TPTE: variants seen among roughly 807,000 people sequenced by gnomAD.
TPTE encodes transmembrane phosphatase with tensin homology.
In TPTE, 59 loss-of-function variants were observed where a neutral mutation model predicts 84.1. The ratio of observed to expected loss-of-function variants is 0.70; its 90% CI spans 0.57 to 0.87. TPTE has a LOEUF of 0.87. Ranked by LOEUF, TPTE falls within the 40% of genes least tolerant of loss-of-function variation. The probability of loss-of-function intolerance (pLI) is 0.00; values close to 1 mark genes in which losing one functional copy is unlikely to be tolerated. For missense variants in TPTE, 382 were observed against 659.6 expected, an observed-to-expected ratio of 0.58 and a Z score of 4.61; for synonymous variants, 130 against 223.5, an observed-to-expected ratio of 0.58 and a Z score of 3.73.
At chr21:10,532,986 A>G (rs1441655653) in intron 3 of TPTE, among the ~76,000 whole-genome samples, 4 of 152,308 alleles carry the variant, frequency 2.6e-5, no homozygotes, top group East Asian at 1.9e-4. Context: ...TAAAGCTGAT[A>G]TATTTCTTCT....
intron 2 of TPTE, among the ~76,000 whole-genome samples, 188 bp from the exon 3 acceptor site, chr21:10,527,167 A>T (rs2074095636): frequency 6.6e-6 from 1 of 152,166 alleles, no homozygotes; most frequent in Non-Finnish European, 1.5e-5. Flanking sequence ...TCACACACAC[A>T]CACAGACACA....
chr21:10,549,633 AAC>A (rs1324141323), intron 7 of TPTE, among the ~76,000 whole-genome samples: 2 of 152,238 alleles, frequency 1.3e-5, no homozygotes, highest in East Asian at 1.9e-4. Context: ...CTTTTGAAAT[AAC>A]ACAGACAGGC....
At position 10,540,227 on chromosome 21, in the gene TPTE, CTA is replaced by C. The variant is rs1324847278; in HGVS notation, c.12-883_12-882del. ...CCAAGGAATACAGTTATACATGTGTCTATGCATATACAAACACATACATACAT... is the reference window on the plus strand; with the variant it reads ...CCAAGGAATACAGTTATACATGTGTCTGCATATACAAACACATACATACAT... On this transcript the variant is annotated intron_variant, in intron 4 of 23. Coordinates refer to ENST00000618007, the MANE Select transcript of TPTE (RefSeq NM_199261.4). Among the ~76,000 whole-genome samples the C allele has an allele frequency of 9.2e-5, 14 of 152,418 alleles. No individual in the cohort carries two copies. The East Asian group carries it at 2.7e-3, about 29-fold the overall frequency.
chr21:10,547,048 C>T (rs1395570955), intron 7 of TPTE, among the ~76,000 whole-genome samples: 1 of 152,306 alleles, frequency 6.6e-6, no homozygotes, highest in Non-Finnish European at 1.5e-5. Context: ...GAAGTCAACG[C>T]ATGGTTTCAA....
intron 2 of TPTE, among the ~76,000 whole-genome samples, chr21:10,524,912 A>G (rs2074051595): frequency 6.6e-6 from 1 of 152,310 alleles, no homozygotes; most frequent in South Asian, 2.1e-4. Flanking sequence ...TAGAAAAATA[A>G]TTCGATAGAA....
chr21:10,605,377 AG>A, intron 23 of TPTE, 39 bp from the exon 24 acceptor site: 2 of 1,603,924 alleles, frequency 1.2e-6, no homozygotes, highest in South Asian at 2.2e-5. Flanking sequence ...CTTTTCAGTG[AG>A]CCCCAATATA....
chr21:10,546,079 T>A (rs1350116520), intron 7 of TPTE, among the ~76,000 whole-genome samples: 3 of 152,310 alleles, frequency 2.0e-5, no homozygotes, highest in African/African-American at 7.2e-5. Context: ...TTTTGTAAAC[T>A]GAAGGTTTGT....
chr21:10,526,468 T>C (rs2145574076), intron 2 of TPTE, among the ~76,000 whole-genome samples: 1 of 152,308 alleles, frequency 6.6e-6, no homozygotes, highest in Middle Eastern at 3.2e-3. Flanking sequence ...ATTTCCACTG[T>C]GAGAAAGAGG....
intron 9 of TPTE, among the ~76,000 whole-genome samples, chr21:10,560,508 A>C (rs2074777199): frequency 6.6e-6 from 1 of 152,296 alleles, no homozygotes; most frequent in Non-Finnish European, 1.5e-5. Context: ...TGTGCCCATC[A>C]CTCTGCTAGA....
intron 14 of TPTE, among the ~76,000 whole-genome samples, chr21:10,574,106 T>A (rs1275620936): frequency 1.3e-5 from 2 of 152,312 alleles, no homozygotes; most frequent in African/African-American, 4.8e-5. Context: ...GATCCTAAAT[T>A]ATAGTCGGGG....
chr21:10,540,699 C>T (rs775183833), intron 4 of TPTE: 1 of 519,300 alleles, frequency 1.9e-6, no homozygotes, highest in African/African-American at 1.9e-5. Flanking sequence ...CCTCCAGCTA[C>T]TTGGCCGCAA....
At chr21:10,542,574 T>G (rs2074390245) in intron 6 of TPTE, 126 bp downstream of exon 6, 1 of 1,261,060 alleles carries the variant, frequency 7.9e-7, no homozygotes. Flanking sequence ...CATCCATCCA[T>G]CCATCCATCC....
At chr21:10,579,439 G>T (rs2075231604) in intron 17 of TPTE, among the ~76,000 whole-genome samples, 1 of 152,310 alleles carries the variant, frequency 6.6e-6, no homozygotes. Context: ...GCGGTGAGCT[G>T]AGATCGCACC....
At chr21:10,528,153 A>G (rs1456956273) in intron 3 of TPTE, among the ~76,000 whole-genome samples, 1 of 152,308 alleles carries the variant, frequency 6.6e-6, no homozygotes, top group Non-Finnish European at 1.5e-5. Flanking sequence ...GAGAATTTTT[A>G]GGGACAACAC....
chr21:10,583,286 G>A (rs2075302515), intron 17 of TPTE, among the ~76,000 whole-genome samples: 1 of 152,310 alleles, frequency 6.6e-6, no homozygotes, highest in Non-Finnish European at 1.5e-5. Context: ...GTGTTTGTGT[G>A]ATGGCATCTT....
chr21:10,523,535 G>C (rs878857226), intron 1 of TPTE, among the ~76,000 whole-genome samples: 8 of 151,420 alleles, frequency 5.3e-5, no homozygotes, highest in Admixed American at 2.6e-4. Flanking sequence ...CCACCTATGA[G>C]TGAGAATATG....
At chr21:10,559,687 A>G in intron 9 of TPTE, 143 bp downstream of exon 9, 1 of 1,134,738 alleles carries the variant, frequency 8.8e-7, no homozygotes. Context: ...CAGCCTGGCT[A>G]ACATGGTGAA....
At chr21:10,543,072 G>T (rs1385793173) in intron 6 of TPTE, among the ~76,000 whole-genome samples, 1 of 126,674 alleles carries the variant, frequency 7.9e-6, no homozygotes, top group Non-Finnish European at 1.5e-5. Context: ...GCCCAGGCCG[G>T]ACTGCGGACT....
chr21:10,555,077 T>G (rs1175248840), intron 8 of TPTE, among the ~76,000 whole-genome samples: 2 of 152,308 alleles, frequency 1.3e-5, no homozygotes, highest in Non-Finnish European at 2.9e-5. Context: ...GTCTTGTTAG[T>G]GTCATGTAGC....
Sources: allele counts gnomAD v4.1 joint callset (sites outside exome capture counted in the v4.1 genomes callset), GRCh38; gene constraint gnomAD v4.1.1; transcripts MANE v1.5; gene names NCBI Gene and HGNC (gene_info 2026-07-23, HGNC 2026-07-21).